Variants in CDH18 observed in about 807,000 individuals in gnomAD.
CDH18 encodes the protein cadherin-18.
In CDH18, 31 loss-of-function variants were observed where a neutral mutation model predicts 67.9. The observed-to-expected ratio is 0.46, with a 90% confidence interval of 0.34 to 0.62. The LOEUF is 0.62. Among genes scored for constraint, CDH18 ranks in the 20% least tolerant of loss-of-function variants. The pLI is 0.01. For missense variants in CDH18, 890 were observed against 975.5 expected (o/e 0.91, Z 1.17); for synonymous variants, 362 against 347.2 (o/e 1.04, Z -0.48).
intron 1 of CDH18, among the ~76,000 whole-genome samples, chr5:20,386,011 A>G (rs565378147): frequency 6.6e-6 from 1 of 152,330 alleles, no homozygotes; most frequent in Admixed American, 6.5e-5. Flanking sequence ...TTACACATCT[A>G]TGTATGTAAT....
chr5:19,778,501 G>C (rs565990892), intron 3 of CDH18, among the ~76,000 whole-genome samples: 1 of 152,134 alleles, frequency 6.6e-6, no homozygotes, highest in Admixed American at 6.6e-5. Flanking sequence ...CCAGATGATG[G>C]AATACATAAT....
At chr5:19,829,163 G>T (rs2149984725) in intron 3 of CDH18, among the ~76,000 whole-genome samples, 1 of 152,146 alleles carries the variant, frequency 6.6e-6, no homozygotes, top group African/African-American at 2.4e-5. Flanking sequence ...AAACAAACAT[G>T]ACCACTCACA....
intron 1 of CDH18, among the ~76,000 whole-genome samples, chr5:20,385,392 C>T (rs1744233477): frequency 6.6e-6 from 1 of 152,094 alleles, no homozygotes; most frequent in Non-Finnish European, 1.5e-5. Flanking sequence ...CAGTCCCCAT[C>T]CCTCACTTCC....
chr5:20,561,675 C>A (rs1383716789), intron 1 of CDH18, among the ~76,000 whole-genome samples: 1 of 151,852 alleles, frequency 6.6e-6, no homozygotes, highest in Non-Finnish European at 1.5e-5. Context: ...ATAGTGAATA[C>A]ATGTCATTAT....
chr5:20,239,537 G>A (rs1742731920), intron 2 of CDH18, among the ~76,000 whole-genome samples: 1 of 152,138 alleles, frequency 6.6e-6, no homozygotes, highest in African/African-American at 2.4e-5. Context: ...TTAAGGAGAT[G>A]AGAGGCAGAA....
intron 5 of CDH18, among the ~76,000 whole-genome samples, chr5:19,643,463 G>T (rs561911763): frequency 6.6e-6 from 1 of 152,200 alleles, no homozygotes; most frequent in Admixed American, 6.5e-5. Flanking sequence ...TAAAGAAAAC[G>T]TGGTTTATTT....
At chr5:19,577,558 TG>T (rs1298225711) in intron 7 of CDH18, among the ~76,000 whole-genome samples, 12 of 152,316 alleles carry the variant, frequency 7.9e-5, no homozygotes, top group South Asian at 6.2e-4. Context: ...AAGATTTTCA[TG>T]CTAGGATTCA....
chr5:20,536,600 G>T (rs1157987943), intron 1 of CDH18, among the ~76,000 whole-genome samples: 1 of 152,080 alleles, frequency 6.6e-6, no homozygotes, highest in Admixed American at 6.6e-5. Flanking sequence ...TATAATGGTG[G>T]TTTAAGCAGG....
At chr5:19,864,521 A>C (rs756291965) in intron 2 of CDH18, among the ~76,000 whole-genome samples, 117 of 142,314 alleles carry the variant, frequency 8.2e-4, no homozygotes, top group Non-Finnish European at 1.4e-3. Flanking sequence ...TAAAACTTAA[A>C]GTATAATAAT....
intron 2 of CDH18, among the ~76,000 whole-genome samples, chr5:20,203,426 C>A (rs1739606945): frequency 6.6e-6 from 1 of 152,116 alleles, no homozygotes; most frequent in South Asian, 2.1e-4. Flanking sequence ...AGACAAAAAA[C>A]ACTAGCCAGC....
At chr5:20,362,316 T>C (rs529389967) in intron 1 of CDH18, among the ~76,000 whole-genome samples, 4 of 152,108 alleles carry the variant, frequency 2.6e-5, no homozygotes, top group Non-Finnish European at 5.9e-5. Flanking sequence ...AAAATGATTT[T>C]AGATGATAAA....
chr5:19,800,315 G>C (rs1777317734), intron 3 of CDH18, among the ~76,000 whole-genome samples: 1 of 152,028 alleles, frequency 6.6e-6, no homozygotes, highest in Admixed American at 6.6e-5. Flanking sequence ...TCCAACCAGA[G>C]CATTTAGCAC....
At chr5:19,837,819 G>A (rs1303327648) in intron 3 of CDH18, among the ~76,000 whole-genome samples, 1 of 152,070 alleles carries the variant, frequency 6.6e-6, no homozygotes, top group Non-Finnish European at 1.5e-5. Flanking sequence ...GGGGATAGAA[G>A]CCACTGAGCC....
At position 20,344,048 on chromosome 5, in the gene CDH18, A is replaced by G. The variant is rs115995282; in HGVS notation, c.-579-88543T>C. Among the ~76,000 whole-genome samples, 207 of 152,304 alleles carry G rather than the reference A, an allele frequency of 1.4e-3. 4 individuals carry two copies. Among genetic ancestry groups the G allele is most frequent in the African/African-American group, 4.9e-3 (202 of 41,578 alleles). ...AAATAAAACCTTGGTATTCTCCTGC[A>G]GAAATAGAATGAGCCATCTCTCAAG... is the stretch of plus-strand genomic sequence containing the variant. On this transcript the variant is annotated intron_variant, in intron 1 of 14. Transcript: ENST00000507958.
chr5:19,891,891 G>A (rs1395206784), intron 2 of CDH18, among the ~76,000 whole-genome samples: 1 of 152,212 alleles, frequency 6.6e-6, no homozygotes, highest in Non-Finnish European at 1.5e-5. Flanking sequence ...AAGCAGGAGA[G>A]AAGGACACTT....
At chr5:20,433,428 T>A (rs1053163341) in intron 1 of CDH18, among the ~76,000 whole-genome samples, 2 of 152,052 alleles carry the variant, frequency 1.3e-5, no homozygotes, top group Non-Finnish European at 2.9e-5. Context: ...TTGGACAATA[T>A]ACCCTGTAAA....
intron 2 of CDH18, among the ~76,000 whole-genome samples, chr5:19,907,061 T>G (rs1790618686): frequency 6.6e-6 from 1 of 152,030 alleles, no homozygotes; most frequent in South Asian, 2.1e-4. Context: ...TGATGATTGC[T>G]GAAAATTGTC....
chr5:20,013,737 T>C (rs1165819732), intron 2 of CDH18, among the ~76,000 whole-genome samples: 2 of 152,092 alleles, frequency 1.3e-5, no homozygotes, highest in East Asian at 3.9e-4. Context: ...ACAAAACTAT[T>C]TTTACATACA....
chr5:19,999,968 C>G lies in CDH18; in HGVS notation c.-517-7954G>C, dbSNP rs189434781. 7.9e-5 allele frequency among the ~76,000 whole-genome samples: 12 copies of G among 152,260 alleles called. No individual in the cohort carries two copies. The East Asian group carries it at 2.1e-3, about 27-fold the overall frequency. On this transcript the variant is annotated intron_variant, in intron 2 of 14. Transcript: ENST00000507958. ...TCAAGTTCTTTCAGATTCATATAGT[C>G]CCCCAATTAAACTATCATCTCTTTT...
Sources: allele counts gnomAD v4.1 joint callset (sites outside exome capture counted in the v4.1 genomes callset), GRCh38; gene constraint gnomAD v4.1.1; transcripts MANE v1.5; gene names NCBI Gene and HGNC (gene_info 2026-07-23, HGNC 2026-07-21).